The following COL24A1 variants were observed in gnomAD, a reference collection of about 807,000 sequenced individuals.
COL24A1 encodes collagen type XXIV alpha 1 chain.
A neutral mutation model predicts 253.9 loss-of-function variants in COL24A1; 224 were observed. The observed-to-expected ratio is 0.88, with a 90% CI of 0.79 to 0.99. The LOEUF is 0.99. COL24A1 is among the 50% of genes least tolerant of loss of function. The probability of loss-of-function intolerance (pLI) is 0.00; values close to 1 mark genes in which losing one functional copy is unlikely to be tolerated. For missense variants in COL24A1, 2,131 were observed against 2,068.5 expected (o/e 1.03, Z -0.59); for synonymous variants, 685 against 673.7 (o/e 1.02, Z -0.26).
intron 1 of COL24A1, chr1:86,155,234 A>AGCGC (rs1249522508): frequency 2.0e-5 from 3 of 151,478 alleles, no homozygotes; most frequent in African/African-American, 7.3e-5. Context: ...GTCGGAAGAG[A>AGCGC]GCGCGCGCGC....
intron 22 of COL24A1, among the ~76,000 whole-genome samples, chr1:85,969,347 G>A (rs754783557): frequency 6.6e-6 from 1 of 152,008 alleles, no homozygotes; most frequent in Non-Finnish European, 1.5e-5. Flanking sequence ...GCTCACTCCT[G>A]TAATCCCAGC....
At chr1:86,025,672 A>G (rs1449597927) in intron 14 of COL24A1, among the ~76,000 whole-genome samples, 1 of 152,228 alleles carries the variant, frequency 6.6e-6, no homozygotes, top group Non-Finnish European at 1.5e-5. Context: ...CAAGTTGTTT[A>G]CTATGCAATA....
At chr1:85,802,944 G>T (rs1671590187) in intron 47 of COL24A1, among the ~76,000 whole-genome samples, 1 of 151,990 alleles carries the variant, frequency 6.6e-6, no homozygotes, top group African/African-American at 2.4e-5. Flanking sequence ...ACATGTACTA[G>T]AATTTATTTA....
Position 85,992,081 on chromosome 1 carries a change from C to G in COL24A1, c.2311-4427G>C, listed in dbSNP as rs867220590. Among the ~76,000 whole-genome samples the G allele has an allele frequency of 2.2e-4, 34 of 151,940 alleles. No homozygotes were observed. The Middle Eastern group carries it at 0.01, about 46-fold the overall frequency. On this transcript the variant is annotated intron_variant, in intron 19 of 59. Transcript: ENST00000370571. ...ATGCTATCCCTCTCCACTCCCCCCA[C>G]CCCACAACAGGCCCCAGTGTGTGAT...
At chr1:85,954,778 G>A (rs921069902) in intron 24 of COL24A1, among the ~76,000 whole-genome samples, 7 of 152,042 alleles carry the variant, frequency 4.6e-5, no homozygotes, top group Non-Finnish European at 1.0e-4. Context: ...TTATAGATAC[G>A]AGTAGCCTAA....
intron 45 of COL24A1, 32 bp downstream of exon 45, chr1:85,823,504 A>T: frequency 6.2e-7 from 1 of 1,604,690 alleles, no homozygotes; most frequent in Non-Finnish European, 8.5e-7. Context: ...CTAACAATAC[A>T]TCTCAAATTG....
intron 59 of COL24A1, 66 bp downstream of exon 59, chr1:85,734,682 TA>T: frequency 7.1e-7 from 1 of 1,407,378 alleles, no homozygotes; most frequent in Non-Finnish European, 1.0e-6. Flanking sequence ...CTAATTATCC[TA>T]ATTTTATGGT....
At chr1:86,050,226 C>G in intron 10 of COL24A1, 49 bp from the exon 11 acceptor site, 1 of 1,509,078 alleles carries the variant, frequency 6.6e-7, no homozygotes, top group East Asian at 2.3e-5. Context: ...AATATTCTCC[C>G]CATAAGTGAT....
chr1:85,777,507 A>C, intron 52 of COL24A1, among the ~76,000 whole-genome samples: 2 of 152,296 alleles, frequency 1.3e-5, no homozygotes, highest in Middle Eastern at 6.8e-3. Flanking sequence ...AATTCTTTTA[A>C]ACAATTGCAT....
chr1:85,755,630 A>T (rs943552721), intron 55 of COL24A1, among the ~76,000 whole-genome samples: 7 of 152,168 alleles, frequency 4.6e-5, no homozygotes, highest in African/African-American at 1.7e-4. Flanking sequence ...TGAAGAAAGG[A>T]TGGTCTTTTC....
chr1:85,794,602 G>T (rs1474704977), intron 47 of COL24A1, among the ~76,000 whole-genome samples: 1 of 152,142 alleles, frequency 6.6e-6, no homozygotes, highest in African/African-American at 2.4e-5. Flanking sequence ...TTTCATACAA[G>T]TAAAGAACAA....
Position 86,125,072 on chromosome 1 carries a change from T to C in COL24A1, c.1264A>G (p.Met422Val), listed in dbSNP as rs1216590846. Residue 422 changes from methionine (M) to valine (V), a missense_variant, in exon 3 of 60, where the codon ATG (methionine) becomes GTG (valine). Coordinates refer to ENST00000370571, the MANE Select transcript of COL24A1 (RefSeq NM_152890.7). ...ITANLHTNEL[M>V]EMQPILNTSL... ...GTGTTTAAAATTGGTTGCATTTCCATGAGTTCGTTAGTGTGTAGATTTGCT... is the reference window on the plus strand; with the variant it reads ...GTGTTTAAAATTGGTTGCATTTCCACGAGTTCGTTAGTGTGTAGATTTGCT... 1.9e-6 allele frequency: 3 copies of C among 1,612,986 alleles called. No individual in the cohort carries two copies. The highest frequency in any genetic ancestry group is 2.5e-6 in the Non-Finnish European group (3 of 1,179,628).
intron 18 of COL24A1, among the ~76,000 whole-genome samples, chr1:86,019,907 G>A (rs1369342792): frequency 1.3e-5 from 2 of 152,022 alleles, no homozygotes; most frequent in African/African-American, 4.8e-5. Flanking sequence ...TTAAGATAAT[G>A]TGTTAAAGGT....
intron 24 of COL24A1, among the ~76,000 whole-genome samples, chr1:85,919,718 G>A (rs1033205253): frequency 6.6e-6 from 1 of 152,080 alleles, no homozygotes; most frequent in African/African-American, 2.4e-5. Context: ...AACCAAGAGA[G>A]AGCACCTGGT....
At chr1:86,008,481 A>G (rs1325155963) in intron 19 of COL24A1, among the ~76,000 whole-genome samples, 1 of 152,144 alleles carries the variant, frequency 6.6e-6, no homozygotes, top group African/African-American at 2.4e-5. Flanking sequence ...TCCTGGGCTC[A>G]AGCAATCCCC....
Position 85,819,238 on chromosome 1 carries a change from T to A in COL24A1, c.3790-1151A>T, listed in dbSNP as rs527905865. ...GTATACACATTTCTAGAGCATATGA[T>A]CCCTATAAGTAAAATATGTTTTTCC... On this transcript the variant is annotated intron_variant, in intron 45 of 59. Transcript: ENST00000370571. Among the ~76,000 whole-genome samples, 166 of 151,962 alleles carry A rather than the reference T, an allele frequency of 1.1e-3. 1 individual carries two copies. Among genetic ancestry groups the A allele is most frequent in the Non-Finnish European group, 9.7e-4 (66 of 68,018 alleles).
chr1:85,939,612 T>C (rs532595901), intron 24 of COL24A1, among the ~76,000 whole-genome samples: 1 of 152,178 alleles, frequency 6.6e-6, no homozygotes, highest in Admixed American at 6.6e-5. Context: ...GATGATTGGC[T>C]GGAGGAGAAA....
At chr1:85,960,896 A>C (rs1458833928) in intron 24 of COL24A1, 1 of 95,402 alleles carries the variant, frequency 1.0e-5, no homozygotes, top group Non-Finnish European at 2.2e-5. Context: ...TAAATAAATA[A>C]ATAAATAAAT....
In COL24A1 at chr1:85,995,343, C is replaced by T. The variant is rs193224441; in HGVS notation, c.2311-7689G>A. ...TCAAGTGATACTCTTGCTTCAGACTCCCAAGTAGCTAAGATTAGAGATACA... is the reference window on the plus strand; with the variant it reads ...TCAAGTGATACTCTTGCTTCAGACTTCCAAGTAGCTAAGATTAGAGATACA... On this transcript the variant is annotated intron_variant, in intron 19 of 59. Coordinates refer to ENST00000370571, the MANE Select transcript of COL24A1 (RefSeq NM_152890.7). 3.9e-3 allele frequency among the ~76,000 whole-genome samples: 587 copies of T among 151,994 alleles called. 4 individuals carry two copies. Among genetic ancestry groups the T allele is most frequent in the Non-Finnish European group, 3.8e-3 (255 of 67,974 alleles).
Sources: gnomAD v4.1 joint callset for allele counts (sites outside exome capture counted in the v4.1 genomes callset) on GRCh38, gnomAD v4.1.1 for gene constraint, MANE v1.5 for transcripts, NCBI Gene and HGNC (gene_info 2026-07-23, HGNC 2026-07-21) for gene names.